Variants in LINGO2 observed in about 807,000 individuals in gnomAD.
The protein encoded by LINGO2 is leucine rich repeat and Ig domain containing 2.
Under a neutral mutation model 30.6 loss-of-function variants are expected in LINGO2, and 14 were observed. The observed-to-expected ratio is 0.46, with a 90% CI of 0.30 to 0.72. The LOEUF (loss-of-function observed/expected upper bound fraction) is 0.72. LINGO2 is among the 30% of genes least tolerant of loss of function. LINGO2 has a pLI of 0.07. For synonymous variants in LINGO2, 317 were observed against 288.5 expected (o/e 1.10, Z -1.00); for missense variants, 729 against 751.7 (o/e 0.97, Z 0.35).
At chr9:28,896,561 G>C in the LINGO2 span, among the ~76,000 whole-genome samples, 1 of 152,026 alleles carries the variant, frequency 6.6e-6, no homozygotes, top group Admixed American at 6.6e-5. Flanking sequence ...CTATGTAATA[G>C]TGAAAATTTA....
the LINGO2 span, among the ~76,000 whole-genome samples, chr9:29,082,883 A>C: frequency 1.3e-5 from 2 of 152,182 alleles, no homozygotes; most frequent in South Asian, 2.1e-4. Context: ...TTACAATGAG[A>C]TACCATCTCA....
the LINGO2 span, among the ~76,000 whole-genome samples, chr9:29,021,254 G>T: frequency 6.6e-6 from 1 of 152,088 alleles, no homozygotes; most frequent in African/African-American, 2.4e-5. Flanking sequence ...AAGGGTAGCA[G>T]GAAGAGAAAA....
chr9:28,014,747 C>T (rs1424399014), intron 4 of LINGO2, among the ~76,000 whole-genome samples: 4 of 152,048 alleles, frequency 2.6e-5, no homozygotes, highest in Middle Eastern at 3.2e-3. Context: ...ACTGTCTGAC[C>T]TTGAAGGGCC....
At chr9:28,632,867 TATATATATATATGTAGAGAGAG>T (rs1563879064) in intron 1 of LINGO2, among the ~76,000 whole-genome samples, 12 of 109,126 alleles carry the variant, frequency 1.1e-4, no homozygotes, top group African/African-American at 4.7e-4. Flanking sequence ...TATATATATA[TATATATATATATGTAGAGAGAG>T]AGAGAGAGAG....
chr9:29,181,184 A>G, the LINGO2 span, among the ~76,000 whole-genome samples: 3 of 152,220 alleles, frequency 2.0e-5, no homozygotes, highest in Non-Finnish European at 2.9e-5. Flanking sequence ...ACTAATTAGT[A>G]GCGTGACTTT....
chr9:28,920,656 C>CA, the LINGO2 span, among the ~76,000 whole-genome samples: 1 of 151,912 alleles, frequency 6.6e-6, no homozygotes, highest in African/African-American at 2.4e-5. Flanking sequence ...GCATATTTTG[C>CA]AAAAAAGAAT....
chr9:28,628,447 T>G (rs1384405404), intron 1 of LINGO2, among the ~76,000 whole-genome samples: 1 of 152,132 alleles, frequency 6.6e-6, no homozygotes, highest in African/African-American at 2.4e-5. Context: ...TTCAGTTCTG[T>G]GCACTATGCC....
At chr9:28,897,145 T>A in the LINGO2 span, among the ~76,000 whole-genome samples, 1 of 152,180 alleles carries the variant, frequency 6.6e-6, no homozygotes, top group Non-Finnish European at 1.5e-5. Flanking sequence ...TCTACAGAGC[T>A]AACACTGAAG....
chr9:28,929,307 C>G, the LINGO2 span, among the ~76,000 whole-genome samples: 3 of 152,214 alleles, frequency 2.0e-5, no homozygotes, highest in African/African-American at 7.2e-5. Context: ...AGCTTAAATG[C>G]TTAGGATAAT....
intron 4 of LINGO2, among the ~76,000 whole-genome samples, chr9:28,100,695 G>A (rs1826389014): frequency 6.6e-6 from 1 of 152,134 alleles, no homozygotes. Context: ...AATTGAGGCT[G>A]TAGTTACCTT....
intron 4 of LINGO2, among the ~76,000 whole-genome samples, chr9:28,059,102 G>C (rs191455497): frequency 6.6e-6 from 1 of 152,112 alleles, no homozygotes; most frequent in Non-Finnish European, 1.5e-5. Context: ...AACTGAGGCA[G>C]GGCTTGCATA....
intron 4 of LINGO2, among the ~76,000 whole-genome samples, chr9:28,261,461 C>A (rs1390704168): frequency 1.3e-5 from 2 of 151,846 alleles, no homozygotes; most frequent in Non-Finnish European, 2.9e-5. Flanking sequence ...TACTGCTTTG[C>A]TACATAGGAG....
At chr9:28,121,812 A>G (rs919046634) in intron 4 of LINGO2, among the ~76,000 whole-genome samples, 1 of 152,240 alleles carries the variant, frequency 6.6e-6, no homozygotes, top group African/African-American at 2.4e-5. Flanking sequence ...TTACTCCACT[A>G]GAATATGAAT....
the LINGO2 span, among the ~76,000 whole-genome samples, chr9:28,814,013 T>A: frequency 6.6e-6 from 1 of 152,166 alleles, no homozygotes; most frequent in African/African-American, 2.4e-5. Flanking sequence ...AGCATATATA[T>A]ACAATACTTA....
chr9:28,195,024 A>G (rs894946499), intron 4 of LINGO2, among the ~76,000 whole-genome samples: 3 of 152,058 alleles, frequency 2.0e-5, no homozygotes, highest in African/African-American at 7.2e-5. Flanking sequence ...AAACAAAACA[A>G]AACAAAAAGG....
the LINGO2 span, among the ~76,000 whole-genome samples, chr9:28,755,319 C>T: frequency 3.3e-5 from 5 of 152,028 alleles, no homozygotes; most frequent in African/African-American, 1.2e-4. Flanking sequence ...CAAACTGAGC[C>T]AAAGCTTTTC....
intron 1 of LINGO2, among the ~76,000 whole-genome samples, chr9:28,575,644 T>C (rs1368834691): frequency 6.6e-6 from 1 of 151,942 alleles, no homozygotes; most frequent in Non-Finnish European, 1.5e-5. Flanking sequence ...CTCAGCAATA[T>C]ACAATTTACC....
chr9:28,368,370 G>A (rs1354539329), intron 3 of LINGO2, among the ~76,000 whole-genome samples: 1 of 152,132 alleles, frequency 6.6e-6, no homozygotes, highest in Non-Finnish European at 1.5e-5. Flanking sequence ...GGAGAAAACA[G>A]TATCCCTATC....
intron 5 of LINGO2, among the ~76,000 whole-genome samples, chr9:27,974,931 CAA>C (rs2118821219): frequency 6.6e-6 from 1 of 152,176 alleles, no homozygotes; most frequent in South Asian, 2.1e-4. Context: ...CTGTAAGGGT[CAA>C]AGACAGGCAG....
Sources: gnomAD v4.1 joint callset for allele counts (sites outside exome capture counted in the v4.1 genomes callset) on GRCh38, gnomAD v4.1.1 for gene constraint, MANE v1.5 for transcripts, NCBI Gene and HGNC (gene_info 2026-07-23, HGNC 2026-07-21) for gene names.